The following NCAM2 variants were observed in gnomAD, a reference collection of about 807,000 sequenced individuals.
The protein encoded by NCAM2 is N-CAM-2.
NCAM2 carries 30 observed loss-of-function variants against 98.1 expected under a neutral mutation model. That is an observed-to-expected ratio of 0.31 (90% CI 0.23 to 0.41). NCAM2 has a LOEUF of 0.41. Ranked by LOEUF, NCAM2 falls within the 10% of genes least tolerant of loss-of-function variation. The pLI, the probability that NCAM2 is intolerant of heterozygous loss-of-function variation, is 1.00. For synonymous variants in NCAM2, 368 were observed against 342.4 expected, an observed-to-expected ratio of 1.07 and a Z score of -0.83; for missense variants, 867 against 1,005.8, an observed-to-expected ratio of 0.86 and a Z score of 1.87.
chr21:21,228,264 G>GATTA (rs1056265058), intron 1 of NCAM2, among the ~76,000 whole-genome samples: 4 of 151,486 alleles, frequency 2.6e-5, no homozygotes, highest in Admixed American at 6.6e-5. Context: ...GGGGCTGTCA[G>GATTA]ATTAATACAT....
At chr21:21,272,569 C>G (rs1476983696) in intron 1 of NCAM2, among the ~76,000 whole-genome samples, 2 of 151,546 alleles carry the variant, frequency 1.3e-5, no homozygotes, top group African/African-American at 2.4e-5. Flanking sequence ...AATACCTGAC[C>G]TGACTCAATT....
At chr21:21,283,161 AAACTT>A (rs1320087997) in intron 2 of NCAM2, among the ~76,000 whole-genome samples, 2 of 151,942 alleles carry the variant, frequency 1.3e-5, no homozygotes, top group African/African-American at 4.8e-5. Context: ...AAGATTCACT[AAACTT>A]TCTTTCATAC....
intron 1 of NCAM2, among the ~76,000 whole-genome samples, chr21:21,012,911 C>T (rs112437016): frequency 0.012 from 1,866 of 152,176 alleles, 30 homozygotes; most frequent in African/African-American, 0.042. Context: ...TCTTAGGGTA[C>T]CTCAAAGCAT....
intron 8 of NCAM2, among the ~76,000 whole-genome samples, chr21:21,365,238 C>CGTGCGTGTGT (rs1210171656): frequency 1.4e-5 from 2 of 146,902 alleles, no homozygotes; most frequent in South Asian, 2.2e-4. Context: ...TTGCTTAGTG[C>CGTGCGTGTGT]GTGTGTGTGT....
intron 11 of NCAM2, among the ~76,000 whole-genome samples, chr21:21,420,150 G>C (rs1449863011): frequency 2.0e-5 from 3 of 152,062 alleles, no homozygotes; most frequent in African/African-American, 7.2e-5. Context: ...TTTTAGACTT[G>C]AAAGTACAAA....
At chr21:21,265,460 T>TATATGTGTGTATA (rs2072220945) in intron 1 of NCAM2, among the ~76,000 whole-genome samples, 1 of 141,840 alleles carries the variant, frequency 7.1e-6, no homozygotes, top group South Asian at 2.1e-4. Context: ...ACATATATAA[T>TATATGTGTGTATA]ATATGTGTGT....
intron 1 of NCAM2, among the ~76,000 whole-genome samples, chr21:21,178,110 G>C (rs1339892203): frequency 6.6e-6 from 1 of 151,976 alleles, no homozygotes; most frequent in Admixed American, 6.6e-5. Context: ...AAACACAAGG[G>C]TATTGACAAT....
At chr21:21,475,363 G>T (rs1985032004) in intron 14 of NCAM2, among the ~76,000 whole-genome samples, 2 of 151,990 alleles carry the variant, frequency 1.3e-5, no homozygotes, top group Non-Finnish European at 2.9e-5. Flanking sequence ...TTTCTTCTGG[G>T]CTGGTTTGCA....
intron 1 of NCAM2, among the ~76,000 whole-genome samples, chr21:21,243,903 A>G (rs573313501): frequency 1.3e-5 from 2 of 152,334 alleles, no homozygotes; most frequent in East Asian, 1.9e-4. Flanking sequence ...ATAAACAGCC[A>G]TGATTCTAGT....
intron 1 of NCAM2, among the ~76,000 whole-genome samples, chr21:21,104,069 T>C (rs1263892744): frequency 6.6e-6 from 1 of 152,118 alleles, no homozygotes; most frequent in Non-Finnish European, 1.5e-5. Context: ...TTTTCAGTAT[T>C]ATTTCTTTGC....
rs777599349 is a variant in NCAM2 at position 21,477,487 on chromosome 21, T to G, written c.2077+16T>G. ...ATTATTAAAGGTAAGCAAAACTATA[T>G]TCTTTTTTAGACTGAACAATAAATA... On this transcript the variant is annotated intron_variant, in intron 15 of 17. Coordinates refer to ENST00000400546, the MANE Select transcript of NCAM2 (RefSeq NM_004540.5). The G allele has an allele frequency of 8.3e-6, 13 of 1,563,842 alleles. No homozygotes were observed. Among genetic ancestry groups the G allele is most frequent in the Non-Finnish European group, 1.1e-5 (13 of 1,148,650 alleles).
intron 12 of NCAM2, among the ~76,000 whole-genome samples, chr21:21,452,450 G>A (rs1048424359): frequency 1.4e-5 from 2 of 138,988 alleles, no homozygotes; most frequent in Admixed American, 8.0e-5. Flanking sequence ...ACATTGTCGG[G>A]GGGGAAGATG....
intron 1 of NCAM2, among the ~76,000 whole-genome samples, chr21:21,096,733 GTTTA>G (rs1451830823): frequency 1.3e-5 from 2 of 151,234 alleles, no homozygotes; most frequent in African/African-American, 2.4e-5. Flanking sequence ...ATCTGCAAGC[GTTTA>G]TTTAATGTTT....
chr21:21,281,381 A>G (rs1325663385), intron 2 of NCAM2, among the ~76,000 whole-genome samples: 2 of 152,138 alleles, frequency 1.3e-5, no homozygotes, highest in Admixed American at 1.3e-4. Flanking sequence ...TTGAATGAAA[A>G]TATTAGGCCA....
Position 21,515,980 on chromosome 21 carries a change from A to G in NCAM2, c.2282+6925A>G, listed in dbSNP as rs190233976. Among the ~76,000 whole-genome samples the G allele has an allele frequency of 6.4e-4, 97 of 152,316 alleles. 1 individual carries two copies. The highest frequency in any genetic ancestry group is 1.1e-3 in the Non-Finnish European group (73 of 68,012). On this transcript the variant is annotated intron_variant, in intron 16 of 17. Coordinates refer to ENST00000400546, the MANE Select transcript of NCAM2 (RefSeq NM_004540.5). ...TAAAATTATGTCACTCCAATTATGA[A>G]TTGTTCAGTAAATAACTCTACAGTT... is the stretch of plus-strand genomic sequence containing the variant.
At chr21:21,300,984 C>T (rs568692511) in intron 5 of NCAM2, among the ~76,000 whole-genome samples, 1 of 151,826 alleles carries the variant, frequency 6.6e-6, no homozygotes, top group Non-Finnish European at 1.5e-5. Context: ...TATAGATATG[C>T]GTTTGTGTGT....
rs1254832890 is a variant in NCAM2 at position 21,540,326 on chromosome 21, CT to C, written c.*2370del. 1 of 150,800 alleles carries C rather than the reference CT, an allele frequency of 6.6e-6. No homozygotes were observed. The highest frequency in any genetic ancestry group is 1.5e-5 in the Non-Finnish European group (1 of 67,758). 9.3% of individuals were successfully genotyped at this position (150,800 alleles called of 1,614,324 possible). A position where few individuals can be genotyped will look rare whatever the true frequency, so the allele number is the denominator to read the frequency against. On this transcript the variant is annotated 3_prime_UTR_variant, in exon 18 of 18. Coordinates refer to ENST00000400546, the MANE Select transcript of NCAM2 (RefSeq NM_004540.5). ...ATATATGATGTTAAATTTCCTGCCA[CT>C]CATGTGGAGTAATGATCTGAAATTA...
At chr21:21,397,928 T>C (rs2076549474) in intron 9 of NCAM2, among the ~76,000 whole-genome samples, 1 of 152,248 alleles carries the variant, frequency 6.6e-6, no homozygotes, top group African/African-American at 2.4e-5. Context: ...TTTCCAACAA[T>C]GCCACTACTG....
At chr21:21,361,440 G>T (rs1432585269) in intron 8 of NCAM2, among the ~76,000 whole-genome samples, 3 of 151,728 alleles carry the variant, frequency 2.0e-5, no homozygotes, top group East Asian at 3.9e-4. Flanking sequence ...GTTTTTTTTG[G>T]CTTCTAGTGA....
Sources: gnomAD v4.1 joint callset for allele counts (sites outside exome capture counted in the v4.1 genomes callset) on GRCh38, gnomAD v4.1.1 for gene constraint, MANE v1.5 for transcripts, NCBI Gene and HGNC (gene_info 2026-07-23, HGNC 2026-07-21) for gene names.